PRUNE2: variants seen among roughly 807,000 people sequenced by gnomAD.
PRUNE2 encodes the protein protein prune homolog 2.
In PRUNE2, 164 loss-of-function variants were observed where a neutral mutation model predicts 252.0. The observed-to-expected ratio is 0.65, with a 90% confidence interval of 0.57 to 0.74. PRUNE2 has a LOEUF of 0.74. Ranked by LOEUF, PRUNE2 falls within the 30% of genes least tolerant of loss-of-function variation. The pLI, the probability that PRUNE2 is intolerant of heterozygous loss-of-function variation, is 0.00. For missense variants in PRUNE2, 3,495 were observed against 3,711.0 expected (o/e 0.94, Z 1.51); for synonymous variants, 1,292 against 1,350.2 (o/e 0.96, Z 0.94).
At chr9:76,645,116 T>G (rs926562965) in intron 11 of PRUNE2, 4 of 487,098 alleles carry the variant, frequency 8.2e-6, no homozygotes, top group African/African-American at 7.9e-5. Flanking sequence ...GTACACTCAA[T>G]GAAGTCTTCT....
chr9:76,902,650 G>A (rs2133760311), intron 1 of PRUNE2, among the ~76,000 whole-genome samples: 1 of 152,248 alleles, frequency 6.6e-6, no homozygotes, highest in East Asian at 1.9e-4. Flanking sequence ...TGTCTAGAAG[G>A]GAGCATTTCT....
At chr9:76,854,236 A>G in intron 1 of PRUNE2, 28 bp from the exon 2 acceptor site, 1 of 1,241,672 alleles carries the variant, frequency 8.1e-7, no homozygotes, top group Non-Finnish European at 1.2e-6. Flanking sequence ...GAAACATCAC[A>G]ATTTAACAGG....
chr9:76,698,599 C>CT (rs2045606968), intron 9 of PRUNE2, among the ~76,000 whole-genome samples: 1 of 152,114 alleles, frequency 6.6e-6, no homozygotes, highest in Non-Finnish European at 1.5e-5. Flanking sequence ...TCTCAGGGTT[C>CT]CCATTATCCA....
chr9:76,667,667 A>G (rs2040458200), intron 9 of PRUNE2, among the ~76,000 whole-genome samples: 1 of 152,252 alleles, frequency 6.6e-6, no homozygotes, highest in Non-Finnish European at 1.5e-5. Context: ...GAACACACAT[A>G]GATAAGATAT....
intron 6 of PRUNE2, among the ~76,000 whole-genome samples, chr9:76,726,890 A>C (rs1355631135): frequency 6.6e-6 from 1 of 152,262 alleles, no homozygotes; most frequent in East Asian, 1.9e-4. Flanking sequence ...CAGGCAGAGA[A>C]TACCTGGGCT....
Position 76,710,985 on chromosome 9 carries a change from A to G in PRUNE2, c.1289T>C (p.Leu430Pro). ...NVDLVSPDSG[L>P]ATIRSSRSSK... ...TGAGCGGCTGCTCCTAATGGTAGCC[A>G]GTCCGCTGTCTGGGCTAACAAGGTC... Residue 430 changes from leucine (L) to proline (P), a missense_variant, in exon 8 of 19, where the codon CTG (leucine) becomes CCG (proline). Leu to Pro is a moderately conservative substitution (Grantham distance 98). Transcript: ENST00000376718. 6.2e-7 allele frequency: 1 copy of G among 1,611,180 alleles called. No homozygotes were observed. The highest frequency in any genetic ancestry group is 8.5e-7 in the Non-Finnish European group (1 of 1,178,386).
chr9:76,819,937 G>A (rs146715511), intron 6 of PRUNE2, among the ~76,000 whole-genome samples: 86 of 152,224 alleles, frequency 5.6e-4, no homozygotes, highest in Middle Eastern at 6.8e-3. Flanking sequence ...TAAAGGCAAC[G>A]TTTGCTCTTT....
At chr9:76,640,705 T>C (rs1381760025) in intron 12 of PRUNE2, among the ~76,000 whole-genome samples, 3 of 152,198 alleles carry the variant, frequency 2.0e-5, no homozygotes, top group South Asian at 2.1e-4. Flanking sequence ...TTTCTGAAGA[T>C]GCATAATTAA....
At chr9:76,639,553 T>C (rs1841683803) in intron 12 of PRUNE2, among the ~76,000 whole-genome samples, 1 of 152,084 alleles carries the variant, frequency 6.6e-6, no homozygotes, top group African/African-American at 2.4e-5. Flanking sequence ...AATCACTCAG[T>C]GAGTATTTAG....
At position 76,871,505 on chromosome 9, in the gene PRUNE2, T is replaced by A. The variant is rs141467508; in HGVS notation, c.37-17297A>T. On this transcript the variant is annotated intron_variant, in intron 1 of 18. Coordinates refer to ENST00000376718, the MANE Select transcript of PRUNE2 (RefSeq NM_015225.3). ...TATGTTGGCTAACAGCTGTGTCTAGTGCTTTGGTAATCCTGGGCCTCCAAG... is the reference window on the plus strand; with the variant it reads ...TATGTTGGCTAACAGCTGTGTCTAGAGCTTTGGTAATCCTGGGCCTCCAAG... Among the ~76,000 whole-genome samples the A allele has an allele frequency of 3.7e-3, 571 of 152,368 alleles. 4 individuals are homozygous for A. Among genetic ancestry groups the A allele is most frequent in the African/African-American group, 0.013 (534 of 41,586 alleles).
intron 6 of PRUNE2, among the ~76,000 whole-genome samples, chr9:76,774,175 C>T (rs1287492519): frequency 2.0e-5 from 3 of 151,656 alleles, no homozygotes; most frequent in East Asian, 3.9e-4. Flanking sequence ...TCACTTTATC[C>T]CCCAGGCTGG....
At chr9:76,851,350 A>T (rs2059945636) in intron 2 of PRUNE2, among the ~76,000 whole-genome samples, 1 of 152,182 alleles carries the variant, frequency 6.6e-6, no homozygotes, top group Non-Finnish European at 1.5e-5. Context: ...GATCGAGACC[A>T]TCCTGGCTAA....
At chr9:76,825,591 T>C (rs1021099503) in intron 5 of PRUNE2, among the ~76,000 whole-genome samples, 11 of 152,244 alleles carry the variant, frequency 7.2e-5, no homozygotes, top group African/African-American at 9.6e-5. Flanking sequence ...TAAAGACATA[T>C]AGGCTGGGTT....
intron 6 of PRUNE2, among the ~76,000 whole-genome samples, chr9:76,819,832 A>G (rs537030956): frequency 1.3e-5 from 2 of 152,278 alleles, no homozygotes; most frequent in East Asian, 3.9e-4. Context: ...GAATGAAAAG[A>G]TGTTTCTTCC....
intron 4 of PRUNE2, among the ~76,000 whole-genome samples, chr9:76,829,081 G>T (rs1053237197): frequency 1.3e-5 from 2 of 148,616 alleles, no homozygotes; most frequent in Non-Finnish European, 3.0e-5. Flanking sequence ...TTTCAGAAAA[G>T]ATCTTCATCT....
At chr9:76,825,900 TCTCA>T (rs569260577) in intron 5 of PRUNE2, among the ~76,000 whole-genome samples, 140 of 152,356 alleles carry the variant, frequency 9.2e-4, no homozygotes, top group African/African-American at 3.3e-3. Flanking sequence ...ATAGCCATCT[TCTCA>T]CTCATTTCCT....
chr9:76,669,693 G>C (rs2040934990), intron 9 of PRUNE2, among the ~76,000 whole-genome samples: 1 of 152,134 alleles, frequency 6.6e-6, no homozygotes, highest in African/African-American at 2.4e-5. Context: ...CTTCCAACTG[G>C]GCGTGAGATG....
At chr9:76,762,434 C>T (rs951920817) in intron 6 of PRUNE2, among the ~76,000 whole-genome samples, 12 of 152,146 alleles carry the variant, frequency 7.9e-5, no homozygotes, top group Admixed American at 5.9e-4. Flanking sequence ...ATCCAGATGG[C>T]GGTCTGCTTG....
chr9:76,752,130 C>T (rs1046393512), intron 6 of PRUNE2, among the ~76,000 whole-genome samples: 1 of 149,122 alleles, frequency 6.7e-6, no homozygotes, highest in Non-Finnish European at 1.5e-5. Flanking sequence ...CGGAGTCTCA[C>T]TCTGTCGCCC....
Sources: gnomAD v4.1 joint callset for allele counts (sites outside exome capture counted in the v4.1 genomes callset) on GRCh38, gnomAD v4.1.1 for gene constraint, MANE v1.5 for transcripts, NCBI Gene and HGNC (gene_info 2026-07-23, HGNC 2026-07-21) for gene names.